Variants in TEX2 observed in about 807,000 individuals in gnomAD.
TEX2 encodes testis-expressed protein 2.
A neutral mutation model predicts 106.9 loss-of-function variants in TEX2; 53 were observed. That is an observed-to-expected ratio of 0.50 (90% CI 0.40 to 0.62). The LOEUF (loss-of-function observed/expected upper bound fraction) is 0.62. Ranked by LOEUF, TEX2 falls within the 20% of genes least tolerant of loss-of-function variation. The pLI, the probability that TEX2 is intolerant of heterozygous loss-of-function variation, is 0.00. For synonymous variants in TEX2, 523 were observed against 534.8 expected, an observed-to-expected ratio of 0.98 and a Z score of 0.30; for missense variants, 1,207 against 1,379.0, an observed-to-expected ratio of 0.88 and a Z score of 1.98.
intron 8 of TEX2, among the ~76,000 whole-genome samples, chr17:64,157,006 G>A (rs1325194306): frequency 6.6e-6 from 1 of 152,228 alleles, no homozygotes; most frequent in Non-Finnish European, 1.5e-5. Flanking sequence ...AGGTAATGCT[G>A]TACCAGTTCA....
intron 1 of TEX2, among the ~76,000 whole-genome samples, chr17:64,250,064 CAA>C (rs530865385): frequency 4.2e-4 from 64 of 152,310 alleles, no homozygotes; most frequent in Non-Finnish European, 7.1e-4. Context: ...CTTAGCCAGG[CAA>C]AGAGGCTCAA....
At chr17:64,177,978 T>C (rs1295370555) in intron 5 of TEX2, among the ~76,000 whole-genome samples, 1 of 152,150 alleles carries the variant, frequency 6.6e-6, no homozygotes, top group Non-Finnish European at 1.5e-5. Context: ...GCCTGGATCC[T>C]ACCCCCAGAG....
rs1033475119 is a variant in TEX2, at chr17:64,194,873, T to A, written c.1845+22A>T. 1.2e-5 allele frequency: 19 copies of A among 1,611,990 alleles called. No homozygotes were observed. In the African/African-American group the frequency reaches 2.1e-4, roughly 18 times the overall value. Reference sequence around the variant, plus strand: ...TGCTTTTCATTCATCTAAGCTATCCTTCCAAAATTGCTCAGGCTCACCTTG... The same window carrying A: ...TGCTTTTCATTCATCTAAGCTATCCATCCAAAATTGCTCAGGCTCACCTTG... On this transcript the variant is annotated intron_variant, in intron 3 of 11. Transcript: ENST00000584379.
chr17:64,213,039 T>C lies in TEX2; in HGVS notation c.1179A>G (p.Leu393=), dbSNP rs200614746. ...GAACTAGAGAACTTGTCTTCAGGCCTAAATCCTTCAGACTGCTCCCCTGGG... is the reference window on the plus strand; with the variant it reads ...GAACTAGAGAACTTGTCTTCAGGCCCAAATCCTTCAGACTGCTCCCCTGGG... ...KSSQGSSLKD[L]GLKTSSLVLE... is the part of the protein sequence containing the mutation. Residue 393 remains leucine (L), a synonymous_variant, in exon 2 of 12, where the codon TTA becomes TTG. Coordinates refer to ENST00000584379, the MANE Select transcript of TEX2 (RefSeq NM_001288732.2). The surrounding 1 kb of genome is among the most constrained non-coding windows in gnomAD (Gnocchi z 4.4). 4.3e-6 allele frequency: 7 copies of C among 1,614,236 alleles called. No homozygotes were observed. Among genetic ancestry groups the C allele is most frequent in the Non-Finnish European group, 5.9e-6 (7 of 1,180,046 alleles).
chr17:64,171,976 C>T (rs1237009253), intron 6 of TEX2, among the ~76,000 whole-genome samples: 2 of 74,814 alleles, frequency 2.7e-5, no homozygotes, highest in African/African-American at 1.2e-4. Context: ...CGAGACTCTG[C>T]GTCAAAAAAA....
chr17:64,213,543 A>G lies in TEX2; in HGVS notation c.675T>C (p.Thr225=). 1 of 1,614,084 alleles carries G rather than the reference A, an allele frequency of 6.2e-7. No individual in the cohort carries two copies. Among genetic ancestry groups the G allele is most frequent in the Non-Finnish European group, 8.5e-7 (1 of 1,179,982 alleles). The part of the protein sequence containing the change: ...KTLVKSLSTD[T]SRQESDTVSY... Reference sequence around the variant, plus strand: ...ACACTGTATCCGACTCCTGCCGGGAAGTGTCCGTGGACAGAGACTTGACTA... The same window carrying G: ...ACACTGTATCCGACTCCTGCCGGGAGGTGTCCGTGGACAGAGACTTGACTA... Residue 225 remains threonine (T), a synonymous_variant, in exon 2 of 12, where the codon ACT becomes ACC. Transcript: ENST00000584379. This position sits in a 1 kb window ranked among gnomAD's most constrained non-coding sequence, Gnocchi z 4.4.
intron 5 of TEX2, among the ~76,000 whole-genome samples, chr17:64,181,386 G>C (rs143984069): frequency 5.2e-4 from 74 of 143,510 alleles, no homozygotes; most frequent in Non-Finnish European, 9.7e-4. Flanking sequence ...TGAGGCAGGA[G>C]AATCGCTTGA....
At position 64,193,588 on chromosome 17, in the gene TEX2, T is replaced by C. The variant is rs1399736159; in HGVS notation, c.2147A>G (p.Lys716Arg). 6.9e-7 allele frequency: 1 copy of C among 1,454,996 alleles called. No homozygotes were observed. The highest frequency in any genetic ancestry group is 9.1e-7 in the Non-Finnish European group (1 of 1,096,704). 90.1% of individuals were successfully genotyped at this position (1,454,996 alleles called of 1,614,324 possible). A position where few individuals can be genotyped will look rare whatever the true frequency, so the allele number is the denominator to read the frequency against. The change falls in exon 4 of 12, where the codon AAG becomes AGG. Residue 716 changes from lysine to arginine, a missense_variant. Coordinates refer to ENST00000584379, the MANE Select transcript of TEX2 (RefSeq NM_001288732.2). ...LASKLKSEIK[K>R]SSGVSGGKPG... ...TTTACCTCCAGAGACACCCGATGAC[T>C]TCTTGATTTCCGACTTTAGCTTAGA...
At chr17:64,214,821 G>A (rs2033136856) in intron 1 of TEX2, among the ~76,000 whole-genome samples, 1 of 152,212 alleles carries the variant, frequency 6.6e-6, no homozygotes, top group African/African-American at 2.4e-5. Flanking sequence ...TAAACTAATT[G>A]CCATGGTCTG....
intron 2 of TEX2, among the ~76,000 whole-genome samples, chr17:64,201,626 C>G (rs964325455): frequency 2.0e-5 from 3 of 152,106 alleles, no homozygotes; most frequent in Non-Finnish European, 4.4e-5. Context: ...GTGTGGGATG[C>G]TACCTCAGCT....
chr17:64,207,249 C>T (rs1362502651), intron 2 of TEX2, among the ~76,000 whole-genome samples: 4 of 152,172 alleles, frequency 2.6e-5, no homozygotes, highest in African/African-American at 7.2e-5. Flanking sequence ...ACTTATACGG[C>T]TCAGAGGTTC....
chr17:64,201,806 T>C (rs16947564), intron 2 of TEX2, among the ~76,000 whole-genome samples: 5,432 of 152,246 alleles, frequency 0.036, 162 homozygotes, highest in South Asian at 0.1. Flanking sequence ...AGTTATAAAC[T>C]CCACAAGAGC....
intron 4 of TEX2, among the ~76,000 whole-genome samples, chr17:64,190,829 C>G (rs1351389627): frequency 6.6e-6 from 1 of 152,190 alleles, no homozygotes; most frequent in Non-Finnish European, 1.5e-5. Flanking sequence ...GTCAAACATT[C>G]AAGTCTGAGA....
intron 7 of TEX2, among the ~76,000 whole-genome samples, chr17:64,162,351 A>G (rs937574819): frequency 5.3e-5 from 8 of 152,236 alleles, no homozygotes; most frequent in Non-Finnish European, 1.0e-4. Context: ...TTTAAACTCA[A>G]TGTAAAAGAA....
chr17:64,224,467 A>C (rs1181804542), intron 1 of TEX2, among the ~76,000 whole-genome samples: 1 of 152,216 alleles, frequency 6.6e-6, no homozygotes, highest in Non-Finnish European at 1.5e-5. Context: ...ACTCCACCTC[A>C]CAAACAAAAA....
rs761951652 is a variant in TEX2 at position 64,159,569 on chromosome 17, G to A, written c.2804+1232C>T. On this transcript the variant is annotated intron_variant, in intron 8 of 11. Transcript: ENST00000584379. ...CTCTCAGGCTTTTATGTCCAAGAAC[G>A]TGATGCCTTTATGTCCAAGAACGTG... Among the ~76,000 whole-genome samples the A allele has an allele frequency of 2.0e-5, 3 of 152,112 alleles. No individual in the cohort carries two copies. The East Asian group carries it at 5.8e-4, about 29-fold the overall frequency.
In TEX2 at chr17:64,239,630, C is replaced by A. The variant is rs981260307; in HGVS notation, c.-26+23538G>T. Among the ~76,000 whole-genome samples the A allele has an allele frequency of 3.3e-5, 5 of 152,052 alleles. No individual in the cohort carries two copies. In the East Asian group the frequency reaches 9.6e-4, roughly 29 times the overall value. On this transcript the variant is annotated intron_variant, in intron 1 of 11. Transcript: ENST00000584379. ...GCGGCTCACACCTGTAATCCCAGCA[C>A]TTTGGGAGGCAGAGACAGGCAGATC...
chr17:64,222,594 C>A (rs2033391136), intron 1 of TEX2, among the ~76,000 whole-genome samples: 2 of 150,762 alleles, frequency 1.3e-5, no homozygotes, highest in African/African-American at 4.9e-5. Flanking sequence ...TGAGACCAGC[C>A]TGGTCAACAC....
intron 1 of TEX2, among the ~76,000 whole-genome samples, chr17:64,240,345 A>G (rs1183525994): frequency 6.6e-6 from 1 of 151,998 alleles, no homozygotes; most frequent in African/African-American, 2.4e-5. Flanking sequence ...CTGCCCACCC[A>G]CGGGCCAGCC....
Sources: gnomAD v4.1 joint callset for allele counts (sites outside exome capture counted in the v4.1 genomes callset) on GRCh38, gnomAD v4.1.1 for gene constraint, Gnocchi (gnomAD v3.1) non-coding constraint, MANE v1.5 for transcripts, NCBI Gene and HGNC (gene_info 2026-07-23, HGNC 2026-07-21) for gene names.